The following ASPH variants were observed in gnomAD, a reference collection of about 807,000 sequenced individuals.
ASPH encodes the protein aspartyl/asparaginyl beta-hydroxylase.
ASPH carries 100 observed loss-of-function variants against 118.4 expected under a neutral mutation model. That is an observed-to-expected ratio of 0.84 (90% CI 0.72 to 1.00). The LOEUF is 1.00. Among genes scored for constraint, ASPH ranks in the 50% least tolerant of loss-of-function variants. The probability of loss-of-function intolerance (pLI) is 0.00; values close to 1 mark genes in which losing one functional copy is unlikely to be tolerated. For missense variants in ASPH, 920 were observed against 919.5 expected (o/e 1.00, Z -0.01); for synonymous variants, 315 against 325.6 (o/e 0.97, Z 0.35).
chr8:61,648,213 G>T (rs756150381), intron 5 of ASPH, among the ~76,000 whole-genome samples: 12 of 152,142 alleles, frequency 7.9e-5, no homozygotes, highest in Non-Finnish European at 1.6e-4. Context: ...AAGTATTTAG[G>T]TGTCATTATC....
intron 3 of ASPH, chr8:61,676,355 G>A (rs1825374552): frequency 1.3e-6 from 2 of 1,538,730 alleles, no homozygotes; most frequent in Non-Finnish European, 1.7e-6. Context: ...GAGAAAATAA[G>A]GAGAGCAGTT....
At chr8:61,576,732 A>C (rs1476877457) in intron 16 of ASPH, 40 bp downstream of exon 16, 2 of 1,542,188 alleles carry the variant, frequency 1.3e-6, no homozygotes, top group African/African-American at 1.4e-5. Flanking sequence ...AAACACATGA[A>C]CATCAAAAAA....
intron 3 of ASPH, chr8:61,660,014 T>G (rs1815945600): frequency 6.6e-6 from 1 of 152,086 alleles, no homozygotes; most frequent in Non-Finnish European, 1.5e-5. Context: ...CAACTTCTAT[T>G]TAGATTCAAG....
At chr8:61,638,076 C>A (rs777461160) in intron 11 of ASPH, 73 bp from the exon 12 acceptor site, 5 of 1,424,004 alleles carry the variant, frequency 3.5e-6, no homozygotes, top group African/African-American at 1.4e-5. Context: ...CACTCGCCTT[C>A]ATTCAGATTC....
intron 24 of ASPH, among the ~76,000 whole-genome samples, chr8:61,507,437 C>A (rs900405205): frequency 3.3e-5 from 5 of 152,080 alleles, no homozygotes; most frequent in African/African-American, 9.7e-5. Context: ...CAGAAAATAG[C>A]AAAGATAGTC....
chr8:61,558,177 C>A (rs773223576), intron 18 of ASPH, among the ~76,000 whole-genome samples: 2 of 152,078 alleles, frequency 1.3e-5, no homozygotes, highest in African/African-American at 4.8e-5. Context: ...TATAGATAGG[C>A]ACGAAGCATG....
At chr8:61,570,277 A>C (rs898403158) in intron 16 of ASPH, among the ~76,000 whole-genome samples, 1 of 152,198 alleles carries the variant, frequency 6.6e-6, no homozygotes, top group Non-Finnish European at 1.5e-5. Flanking sequence ...TACAGTTTCT[A>C]CTGAATATGT....
intron 1 of ASPH, 105 bp downstream of exon 1, chr8:61,714,164 G>C: frequency 7.9e-7 from 1 of 1,270,664 alleles, no homozygotes; most frequent in African/African-American, 1.6e-5. Flanking sequence ...GGATGGAGGC[G>C]GCGCGCGGTG....
chr8:61,643,873 C>T (rs1436898526), intron 8 of ASPH, 72 bp downstream of exon 8: 1 of 1,165,984 alleles, frequency 8.6e-7, no homozygotes, highest in Non-Finnish European at 1.3e-6. Context: ...CAATTGTTAA[C>T]CCTGGAATAA....
chr8:61,557,694 A>G (rs1828381220), intron 18 of ASPH, among the ~76,000 whole-genome samples: 1 of 152,212 alleles, frequency 6.6e-6, no homozygotes, highest in Admixed American at 6.5e-5. Context: ...CCTGTTATGC[A>G]TAGCATAGCA....
intron 1 of ASPH, among the ~76,000 whole-genome samples, chr8:61,709,104 G>T (rs1427838003): frequency 6.6e-6 from 1 of 152,002 alleles, no homozygotes; most frequent in Non-Finnish European, 1.5e-5. Flanking sequence ...AACCAAATTT[G>T]TCCTCAGCTG....
At chr8:61,550,555 T>C (rs1008726104) in intron 20 of ASPH, among the ~76,000 whole-genome samples, 3 of 152,064 alleles carry the variant, frequency 2.0e-5, no homozygotes, top group Non-Finnish European at 2.9e-5. Flanking sequence ...AGGCCACATC[T>C]GTGGAATGGG....
Position 61,644,037 on chromosome 8 carries a change from A to T in ASPH, c.653-36T>A, listed in dbSNP as rs1435102670. The T allele has an allele frequency of 2.7e-6, 4 of 1,480,234 alleles. No individual in the cohort carries two copies. The East Asian group carries it at 6.9e-5, about 25-fold the overall frequency. The allele number at this position is 1,480,234 out of a possible 1,614,324, so 91.7% of individuals were successfully genotyped here. Reference sequence around the variant, plus strand: ...TGGAATAATTAGGAAATTACGTCTCAAATAAGGAATACATGTAATATTCGA... The same window carrying T: ...TGGAATAATTAGGAAATTACGTCTCTAATAAGGAATACATGTAATATTCGA... On this transcript the variant is annotated intron_variant, in intron 7 of 24. Coordinates refer to ENST00000379454, the MANE Select transcript of ASPH (RefSeq NM_004318.4).
chr8:61,612,901 T>C (rs894538127), intron 14 of ASPH, among the ~76,000 whole-genome samples: 9 of 152,208 alleles, frequency 5.9e-5, no homozygotes, highest in African/African-American at 1.9e-4. Context: ...AGTTAATTCA[T>C]AGTTTGACTT....
intron 6 of ASPH, among the ~76,000 whole-genome samples, chr8:61,645,968 T>C (rs1442845044): frequency 2.0e-5 from 3 of 152,198 alleles, no homozygotes; most frequent in African/African-American, 7.2e-5. Context: ...GAGAATTGCT[T>C]GAGGCCAGGA....
chr8:61,628,444 C>T (rs749977075), intron 13 of ASPH: 19 of 279,804 alleles, frequency 6.8e-5, no homozygotes, highest in Admixed American at 1.5e-4. Context: ...GCTGACACTA[C>T]ATGCGTGAAC....
At chr8:61,536,759 C>T (rs1156402627) in intron 21 of ASPH, among the ~76,000 whole-genome samples, 1 of 152,168 alleles carries the variant, frequency 6.6e-6, no homozygotes, top group African/African-American at 2.4e-5. Context: ...AGAAGTCTGG[C>T]TTCCTGCAAG....
chr8:61,713,600 T>A (rs774815298), intron 1 of ASPH, among the ~76,000 whole-genome samples: 3 of 152,198 alleles, frequency 2.0e-5, no homozygotes, highest in Non-Finnish European at 4.4e-5. Context: ...CTGCTGGATA[T>A]GCACACGGAC....
chr8:61,543,507 G>C (rs888939308), intron 21 of ASPH, among the ~76,000 whole-genome samples: 1 of 152,070 alleles, frequency 6.6e-6, no homozygotes, highest in African/African-American at 2.4e-5. Context: ...TATTTGGGGA[G>C]ACGTCATTGT....
Sources: allele counts gnomAD v4.1 joint callset (sites outside exome capture counted in the v4.1 genomes callset), GRCh38; gene constraint gnomAD v4.1.1; transcripts MANE v1.5; gene names NCBI Gene and HGNC (gene_info 2026-07-23, HGNC 2026-07-21).